Variants in DACH1 observed in about 807,000 individuals in gnomAD.
DACH1 encodes the protein dachshund homolog 1.
DACH1 carries 12 observed loss-of-function variants against 54.2 expected under a neutral mutation model. The observed-to-expected ratio is 0.22, with a 90% CI of 0.14 to 0.36. The LOEUF (loss-of-function observed/expected upper bound fraction) is 0.36. DACH1 is among the 10% of genes least tolerant of loss of function. The pLI, the probability that DACH1 is intolerant of heterozygous loss-of-function variation, is 1.00. For synonymous variants in DACH1, 386 were observed against 366.2 expected (o/e 1.05, Z -0.62); for missense variants, 805 against 929.8 (o/e 0.87, Z 1.75).
At chr13:71,569,279 C>T (rs2138406153) in intron 4 of DACH1, among the ~76,000 whole-genome samples, 1 of 152,120 alleles carries the variant, frequency 6.6e-6, no homozygotes, top group East Asian at 1.9e-4. Context: ...AGAGGTCTAA[C>T]ACAGGTATCG....
chr13:71,696,395 T>C (rs947734019), intron 1 of DACH1, among the ~76,000 whole-genome samples: 1 of 152,162 alleles, frequency 6.6e-6, no homozygotes, highest in Non-Finnish European at 1.5e-5. Flanking sequence ...AGAGAATAAG[T>C]AACTTGAATA....
At chr13:71,679,836 T>A (rs536536259) in intron 2 of DACH1, among the ~76,000 whole-genome samples, 4 of 151,580 alleles carry the variant, frequency 2.6e-5, no homozygotes, top group Non-Finnish European at 4.4e-5. Flanking sequence ...ACAAAAAAAA[T>A]TCGGGCGTAG....
chr13:71,592,494 C>CAAAAAAAAAAAAAAA (rs575364116), intron 3 of DACH1, among the ~76,000 whole-genome samples: 9 of 32,756 alleles, frequency 2.7e-4, no homozygotes, highest in African/African-American at 9.1e-4. Flanking sequence ...GACTCTATCT[C>CAAAAAAAAAAAAAAA]AAAAAAAAAA....
intron 1 of DACH1, among the ~76,000 whole-genome samples, chr13:71,835,656 C>G (rs1389674459): frequency 6.6e-6 from 1 of 152,004 alleles, no homozygotes; most frequent in African/African-American, 2.4e-5. Context: ...CTAGTTTATA[C>G]CTATTGTCCC....
At chr13:71,550,016 C>G (rs1031038875) in intron 6 of DACH1, among the ~76,000 whole-genome samples, 25 of 152,088 alleles carry the variant, frequency 1.6e-4, no homozygotes, top group Non-Finnish European at 3.2e-4. Flanking sequence ...TCCTCCAAAA[C>G]TGTACACATT....
intron 3 of DACH1, among the ~76,000 whole-genome samples, chr13:71,587,430 A>T (rs1873366729): frequency 6.6e-6 from 1 of 152,122 alleles, no homozygotes; most frequent in Non-Finnish European, 1.5e-5. Flanking sequence ...AACAACAGAA[A>T]ACTAAAATTC....
chr13:71,562,485 G>A (rs1053048429), intron 4 of DACH1, among the ~76,000 whole-genome samples: 8 of 152,020 alleles, frequency 5.3e-5, no homozygotes, highest in East Asian at 1.9e-4. Context: ...GTTCAGAGAC[G>A]TTTATAACAT....
chr13:71,680,948 C>T (rs1168731086), intron 2 of DACH1, among the ~76,000 whole-genome samples: 4 of 151,908 alleles, frequency 2.6e-5, no homozygotes, highest in Non-Finnish European at 4.4e-5. Flanking sequence ...GCCTGATTAC[C>T]TTTCTTGTAT....
At chr13:71,476,893 C>T (rs1877567058) in intron 8 of DACH1, among the ~76,000 whole-genome samples, 1 of 151,248 alleles carries the variant, frequency 6.6e-6, no homozygotes, top group Non-Finnish European at 1.5e-5. Flanking sequence ...ATCAACGTGA[C>T]AGACTCAGTA....
intron 1 of DACH1, among the ~76,000 whole-genome samples, 183 bp downstream of exon 1, chr13:71,865,739 G>A (rs1874701096): frequency 6.6e-6 from 1 of 152,110 alleles, no homozygotes; most frequent in African/African-American, 2.4e-5. Context: ...AGGGTGAGGT[G>A]CCAACTTCTC....
chr13:71,586,031 C>G (rs753319179), intron 3 of DACH1, among the ~76,000 whole-genome samples: 4 of 152,178 alleles, frequency 2.6e-5, no homozygotes, highest in African/African-American at 4.8e-5. Flanking sequence ...TTACTGCATA[C>G]TCTACTCCAT....
intron 3 of DACH1, among the ~76,000 whole-genome samples, chr13:71,627,435 G>A (rs1369042663): frequency 2.6e-5 from 4 of 151,626 alleles, no homozygotes; most frequent in Non-Finnish European, 5.9e-5. Flanking sequence ...AAATGTCACC[G>A]GATTTGGGCA....
intron 6 of DACH1, among the ~76,000 whole-genome samples, chr13:71,555,864 A>G (rs1476161669): frequency 6.6e-6 from 1 of 152,148 alleles, no homozygotes; most frequent in East Asian, 1.9e-4. Context: ...AAGTTTCACA[A>G]TAAATAATGT....
chr13:71,526,925 T>G (rs879920027), intron 6 of DACH1, among the ~76,000 whole-genome samples: 1 of 151,782 alleles, frequency 6.6e-6, no homozygotes, highest in Non-Finnish European at 1.5e-5. Flanking sequence ...CTAGGCTCAG[T>G]TCTTCGTTGG....
chr13:71,494,243 A>G (rs1432357751), intron 6 of DACH1, among the ~76,000 whole-genome samples: 1 of 152,158 alleles, frequency 6.6e-6, no homozygotes, highest in African/African-American at 2.4e-5. Flanking sequence ...AAACCACTGC[A>G]ATTTTGATAC....
intron 6 of DACH1, among the ~76,000 whole-genome samples, chr13:71,538,375 CA>C (rs892248223): frequency 5.6e-4 from 75 of 132,836 alleles, no homozygotes; most frequent in Admixed American, 9.8e-4. Flanking sequence ...TTGTTTTCCT[CA>C]AAAAAAAAAA....
At chr13:71,749,835 T>C (rs762164975) in intron 1 of DACH1, among the ~76,000 whole-genome samples, 12 of 152,164 alleles carry the variant, frequency 7.9e-5, no homozygotes, top group Non-Finnish European at 1.5e-4. Context: ...ATTGTCTCCA[T>C]TTTGAAAACA....
chr13:71,463,455 A>G (rs892814592), intron 10 of DACH1, among the ~76,000 whole-genome samples: 4 of 151,924 alleles, frequency 2.6e-5, no homozygotes, highest in African/African-American at 9.7e-5. Flanking sequence ...ATCCTCATAA[A>G]TTTATGCCAC....
In DACH1 at chr13:71,866,880, C is replaced by T; in HGVS notation, c.-111G>A. On this transcript the variant is annotated 5_prime_UTR_variant, in exon 1 of 11. Coordinates refer to ENST00000613252, the MANE Select transcript of DACH1 (RefSeq NM_080759.6). ...GGAGAAGGAGCGAGGGGGGCAACAA[C>T]AACTCCGGGAGAGAACGAGAAGGAG... The T allele has an allele frequency of 1.2e-6, 1 of 807,764 alleles. No homozygotes were observed. Among genetic ancestry groups the T allele is most frequent in the Non-Finnish European group, 1.7e-6 (1 of 600,840 alleles). The allele number at this position is 807,764 out of a possible 1,614,324, so 50.0% of individuals were successfully genotyped here.
Sources: gnomAD v4.1 joint callset for allele counts (sites outside exome capture counted in the v4.1 genomes callset) on GRCh38, gnomAD v4.1.1 for gene constraint, MANE v1.5 for transcripts, NCBI Gene and HGNC (gene_info 2026-07-23, HGNC 2026-07-21) for gene names.